ATF6B: variants seen among roughly 807,000 people sequenced by gnomAD.
The protein encoded by ATF6B is activating transcription factor 6 beta.
A neutral mutation model predicts 83.5 loss-of-function variants in ATF6B; 50 were observed. The ratio of observed to expected loss-of-function variants is 0.60; its 90% CI spans 0.48 to 0.76. The LOEUF (loss-of-function observed/expected upper bound fraction) is 0.76. ATF6B is among the 30% of genes least tolerant of loss of function. The pLI, the probability that ATF6B is intolerant of heterozygous loss-of-function variation, is 0.00. For missense variants in ATF6B, 790 were observed against 893.8 expected, an observed-to-expected ratio of 0.88 and a Z score of 1.48; for synonymous variants, 344 against 362.8, an observed-to-expected ratio of 0.95 and a Z score of 0.59.
In ATF6B at chr6:32,128,192, G is replaced by C. The variant is rs781295048; in HGVS notation, c.16C>G (p.Leu6Val). The change falls in exon 1 of 18, where the codon CTG (leucine) becomes GTG (valine). Residue 6 changes from leucine to valine, a missense_variant. By Grantham distance (32) the Leu-to-Val change is conservative. Transcript: ENST00000375203. ...GTCGGGTCAGCAATCTCGCTGAGCAGCATCAGCTCCGCCATCTTTCCCCCC... is the reference window on the plus strand; with the variant it reads ...GTCGGGTCAGCAATCTCGCTGAGCACCATCAGCTCCGCCATCTTTCCCCCC... Reference protein sequence around the residue: MAELMLLSEIADPTRF... With the variant: MAELMVLSEIADPTRF... 6.2e-7 allele frequency: 1 copy of C among 1,612,176 alleles called. No homozygotes were observed. The highest frequency in any genetic ancestry group is 8.5e-7 in the Non-Finnish European group (1 of 1,179,754).
intron 5 of ATF6B, among the ~76,000 whole-genome samples, chr6:32,122,143 C>T (rs1781789890): frequency 6.6e-6 from 1 of 152,192 alleles, no homozygotes; most frequent in Non-Finnish European, 1.5e-5. Context: ...ATTCTGACTT[C>T]CAAGCTGCCT....
At chr6:32,126,046 C>CACAT (rs1781959520) in intron 5 of ATF6B, 71 bp downstream of exon 5, 2 of 1,586,572 alleles carry the variant, frequency 1.3e-6, no homozygotes, top group Admixed American at 3.4e-5. Flanking sequence ...TCCATCTACA[C>CACAT]ACATACACAC....
chr6:32,123,444 C>T (rs1225782390), intron 5 of ATF6B, among the ~76,000 whole-genome samples: 1 of 152,094 alleles, frequency 6.6e-6, no homozygotes. Context: ...CTGCTAATAG[C>T]AGTGGGCGAT....
Position 32,116,741 on chromosome 6 carries a change from C to T in ATF6B, c.1760G>A (p.Arg587Gln), listed in dbSNP as rs373179783. 20 of 1,614,020 alleles carry T rather than the reference C, an allele frequency of 1.2e-5. No homozygotes were observed. Among genetic ancestry groups the T allele is most frequent in the African/African-American group, 1.2e-4 (9 of 74,910 alleles). The change falls in exon 16 of 18, where the codon CGA becomes CAA. Residue 587 changes from arginine to glutamine, a missense_variant. This residue lies in a region of ATF6B where 530 missense variants were observed against 632.6 expected (regional missense o/e 0.84). Transcript: ENST00000375203. This position sits in a 1 kb window ranked among gnomAD's most constrained non-coding sequence, Gnocchi z 5.1. ...SQPAFLDAID[R>Q]REDTFYVVSF... is the part of the protein sequence containing the mutation. ...GACAACATAAAATGTGTCTTCCCGT[C>T]GGTCAATTGCATCCAAGAATGCTGG... is the stretch of plus-strand genomic sequence containing the variant.
rs185234659 is a variant in ATF6B at position 32,125,622 on chromosome 6, G to A, written c.478+495C>T. 1.3e-5 allele frequency among the ~76,000 whole-genome samples: 2 copies of A among 152,134 alleles called. No individual in the cohort carries two copies. Among genetic ancestry groups the A allele is most frequent in the African/African-American group, 2.4e-5 (1 of 41,520 alleles). ...TAAAAATACAAAAAATTAGCTGGGC[G>A]TGGTGGTGGGTGCCTGTAATCCCAG... On this transcript the variant is annotated intron_variant, in intron 5 of 17. Coordinates refer to ENST00000375203, the MANE Select transcript of ATF6B (RefSeq NM_004381.5). This position sits in a 1 kb window ranked among gnomAD's most constrained non-coding sequence, Gnocchi z 4.1.
chr6:32,122,170 C>T (rs1346980986), intron 5 of ATF6B, among the ~76,000 whole-genome samples: 1 of 152,192 alleles, frequency 6.6e-6, no homozygotes, highest in Non-Finnish European at 1.5e-5. Flanking sequence ...CCCTTCCATT[C>T]TCATGCCTCA....
chr6:32,116,926 G>A lies in ATF6B; in HGVS notation c.1685+111C>T. On this transcript the variant is annotated intron_variant, in intron 15 of 17. Transcript: ENST00000375203. This position sits in a 1 kb window ranked among gnomAD's most constrained non-coding sequence, Gnocchi z 5.1. Reference sequence around the variant, plus strand: ...GACAGGAGACCCCCAGTGGAGGAGGGAGGTATAATCCCACTGGTGACAGTA... The same window carrying A: ...GACAGGAGACCCCCAGTGGAGGAGGAAGGTATAATCCCACTGGTGACAGTA... 1.3e-6 allele frequency: 2 copies of A among 1,516,860 alleles called. No homozygotes were observed. The highest frequency in any genetic ancestry group is 2.3e-5 in the East Asian group (1 of 44,160). 94.0% of individuals were successfully genotyped at this position (1,516,860 alleles called of 1,614,324 possible).
At position 32,116,864 on chromosome 6, in the gene ATF6B, AG is replaced by A. The variant is rs1233598603; in HGVS notation, c.1686-50del. The A allele has an allele frequency of 6.3e-7, 1 of 1,591,996 alleles. No individual in the cohort carries two copies. Among genetic ancestry groups the A allele is most frequent in the African/African-American group, 1.3e-5 (1 of 74,534 alleles). On this transcript the variant is annotated intron_variant, in intron 15 of 17. Coordinates refer to ENST00000375203, the MANE Select transcript of ATF6B (RefSeq NM_004381.5). The surrounding 1 kb of genome is among the most constrained non-coding windows in gnomAD (Gnocchi z 5.1). ...TTGAGGGGAACTAAGCCCAATGCTC[AG>A]TTTCTACCAGGGAAGCGGGTAGGAT...
chr6:32,118,183 T>C lies in ATF6B; in HGVS notation c.1245-145A>G, dbSNP rs1781609755. ...TGCCTCTGTAAGATGGGAATAAGGA[T>C]GGTCCCTACATACAAAAAAGACAGT... is the stretch of plus-strand genomic sequence containing the variant. On this transcript the variant is annotated intron_variant, in intron 11 of 17. Coordinates refer to ENST00000375203, the MANE Select transcript of ATF6B (RefSeq NM_004381.5). The surrounding 1 kb of genome is among the most constrained non-coding windows in gnomAD (Gnocchi z 5.2). 1 of 1,004,014 alleles carries C rather than the reference T, an allele frequency of 1.0e-6. No individual in the cohort carries two copies. The highest frequency in any genetic ancestry group is 2.1e-5 in the Admixed American group (1 of 46,748). The allele number at this position is 1,004,014 out of a possible 1,614,324, so 62.2% of individuals were successfully genotyped here. A position where few individuals can be genotyped will look rare whatever the true frequency, so the allele number is the denominator to read the frequency against.
rs796815788 is a variant in ATF6B at position 32,115,558 on chromosome 6, T to G, written c.*181A>C. 1.5e-5 allele frequency: 8 copies of G among 540,776 alleles called. No individual in the cohort carries two copies. The highest frequency in any genetic ancestry group is 1.1e-4 in the African/African-American group (6 of 52,552). The allele number at this position is 540,776 out of a possible 1,614,324, so 33.5% of individuals were successfully genotyped here. The stretch of plus-strand genomic sequence containing the variant: ...GTTCACAGGAATGAGAGGAGCCCTA[T>G]ATTCTGAAAAGGGATGAGAAGAGAG... On this transcript the variant is annotated 3_prime_UTR_variant, in exon 18 of 18. Coordinates refer to ENST00000375203, the MANE Select transcript of ATF6B (RefSeq NM_004381.5).
At chr6:32,127,561 G>A in intron 2 of ATF6B, 41 bp from the exon 3 acceptor site, 5 of 1,609,260 alleles carry the variant, frequency 3.1e-6, no homozygotes, top group Non-Finnish European at 4.3e-6. Flanking sequence ...GTGTGAGAAA[G>A]GATGAGAAAG....
intron 5 of ATF6B, among the ~76,000 whole-genome samples, chr6:32,122,845 C>CA (rs746213748): frequency 6.3e-3 from 329 of 52,176 alleles, no homozygotes; most frequent in Admixed American, 6.5e-3. Flanking sequence ...GACTCTGTCT[C>CA]AAAAAAAAAA....
Position 32,117,006 on chromosome 6 carries a change from T to G in ATF6B, c.1685+31A>C. 6.2e-7 allele frequency: 1 copy of G among 1,607,664 alleles called. No homozygotes were observed. On this transcript the variant is annotated intron_variant, in intron 15 of 17. Coordinates refer to ENST00000375203, the MANE Select transcript of ATF6B (RefSeq NM_004381.5). This position sits in a 1 kb window ranked among gnomAD's most constrained non-coding sequence, Gnocchi z 5.0. ...ACAGCTCTTGAAAGTGGAATTTCAC[T>G]TAATAAGTAAGCACCCCACCCCACA...
In ATF6B at chr6:32,117,548, G is replaced by A; in HGVS notation, c.1532+39C>T. 1 of 1,605,844 alleles carries A rather than the reference G, an allele frequency of 6.2e-7. No individual in the cohort carries two copies. Among genetic ancestry groups the A allele is most frequent in the Non-Finnish European group, 8.5e-7 (1 of 1,174,386 alleles). Reference sequence around the variant, plus strand: ...AGGCTGACTGCAGAAGGCCTTGGGAGGCCGGGGGAGCTGGATGCCCCAGCA... The same window carrying A: ...AGGCTGACTGCAGAAGGCCTTGGGAAGCCGGGGGAGCTGGATGCCCCAGCA... On this transcript the variant is annotated intron_variant, in intron 13 of 17. Transcript: ENST00000375203. This position sits in a 1 kb window ranked among gnomAD's most constrained non-coding sequence, Gnocchi z 5.0.
In ATF6B at chr6:32,117,717, C is replaced by T. The variant is rs754274514; in HGVS notation, c.1425-23G>A. On this transcript the variant is annotated intron_variant, in intron 12 of 17. Transcript: ENST00000375203. The surrounding 1 kb of genome is among the most constrained non-coding windows in gnomAD (Gnocchi z 5.0). ...TTGCTGGAGTGAAGCAGGAAGGAGA[C>T]AACACTTGGAGACTGCCCAGCACTC... 3.1e-6 allele frequency: 5 copies of T among 1,610,088 alleles called. No homozygotes were observed. The highest frequency in any genetic ancestry group is 4.2e-6 in the Non-Finnish European group (5 of 1,177,508).
At position 32,118,003 on chromosome 6, in the gene ATF6B, C is replaced by T. The variant is rs1312626813; in HGVS notation, c.1280G>A (p.Arg427Gln). Residue 427 changes from arginine to glutamine, a missense_variant, in exon 12 of 18, where the codon CGG becomes CAG. Transcript: ENST00000375203. This position sits in a 1 kb window ranked among gnomAD's most constrained non-coding sequence, Gnocchi z 5.2. ...SEPPSAPISP[R>Q]MNKGEPQPRR... Reference sequence around the variant, plus strand: ...GGGTTGAGGCTCCCCCTTGTTCATCCGAGGAGAGATGGGAGCTGAAGGAGG... The same window carrying T: ...GGGTTGAGGCTCCCCCTTGTTCATCTGAGGAGAGATGGGAGCTGAAGGAGG... 4 of 1,614,060 alleles carry T rather than the reference C, an allele frequency of 2.5e-6. No homozygotes were observed. Among genetic ancestry groups the T allele is most frequent in the Admixed American group, 1.7e-5 (1 of 60,004 alleles).
Position 32,116,458 on chromosome 6 carries a change from T to C in ATF6B, c.1882+22A>G. The C allele has an allele frequency of 6.2e-7, 1 of 1,604,202 alleles. No homozygotes were observed. The highest frequency in any genetic ancestry group is 8.5e-7 in the Non-Finnish European group (1 of 1,173,254). On this transcript the variant is annotated intron_variant, in intron 17 of 17. Transcript: ENST00000375203. The surrounding 1 kb of genome is among the most constrained non-coding windows in gnomAD (Gnocchi z 5.1). ...GATCTCCCTGTTGGAACTGCCCCCA[T>C]ACCCAGCAGGGAAAGAGTTACCATT...
In ATF6B at chr6:32,121,131, G is replaced by A. The variant is rs748240858; in HGVS notation, c.565-7C>T. On this transcript the variant is annotated splice_region_variant and splice_polypyrimidine_tract_variant and intron_variant, in intron 6 of 17. Transcript: ENST00000375203. ...CCTCCTCTCCTATAAAAGCCTATGT[G>A]GGGCATTCCAGAGATACATTAGTCA... The A allele has an allele frequency of 6.3e-7, 1 of 1,594,442 alleles. No individual in the cohort carries two copies. The highest frequency in any genetic ancestry group is 1.1e-5 in the South Asian group (1 of 88,152).
rs1264105595 is a variant in ATF6B at position 32,115,432 on chromosome 6, A to C, written c.*307T>G. The C allele has an allele frequency of 6.0e-6, 1 of 167,082 alleles. No homozygotes were observed. Among genetic ancestry groups the C allele is most frequent in the East Asian group, 1.3e-4 (1 of 7,892 alleles). 10.3% of individuals were successfully genotyped at this position (167,082 alleles called of 1,614,324 possible). A position where few individuals can be genotyped will look rare whatever the true frequency, so the allele number is the denominator to read the frequency against. ...GGACTAAATTCCCACCTCCACTGCC[A>C]TAACACTAGAGAAACAAAATAAAAA... On this transcript the variant is annotated 3_prime_UTR_variant, in exon 18 of 18. Coordinates refer to ENST00000375203, the MANE Select transcript of ATF6B (RefSeq NM_004381.5).
Sources: allele counts gnomAD v4.1 joint callset (sites outside exome capture counted in the v4.1 genomes callset), GRCh38; gene constraint gnomAD v4.1.1; regional missense constraint gnomAD v4.1.1; non-coding constraint Gnocchi (gnomAD v3.1); transcripts MANE v1.5; gene names NCBI Gene and HGNC (gene_info 2026-07-23, HGNC 2026-07-21).